DYDC2: variants seen among roughly 807,000 people sequenced by gnomAD.
DYDC2 encodes the protein DPY30 domain-containing protein 2.
In DYDC2, 19 loss-of-function variants were observed where a neutral mutation model predicts 18.7. The observed-to-expected ratio is 1.02, with a 90% CI of 0.71 to 1.49. The LOEUF (loss-of-function observed/expected upper bound fraction) is 1.49, where lower values mean the gene tolerates loss of function less well. Among genes scored for constraint, DYDC2 ranks in the 40% most tolerant of loss-of-function variants. The pLI is 0.00. For synonymous variants in DYDC2, 63 were observed against 67.6 expected (o/e 0.93, Z 0.34); for missense variants, 179 against 205.1 (o/e 0.87, Z 0.78).
intron 1 of DYDC2, among the ~76,000 whole-genome samples, chr10:80,351,140 C>T (rs901027699): frequency 6.6e-6 from 1 of 152,210 alleles, no homozygotes; most frequent in Non-Finnish European, 1.5e-5. Flanking sequence ...ACACCTCCTA[C>T]CTTACAACCT....
In DYDC2 at chr10:80,346,778, A is replaced by C. The variant is rs1262671120; in HGVS notation, c.-310+1963A>C. ...CCCGGCCATGTCTCTTCCCTTTCTG[A>C]TAACAGCCATCTTAGGCTGGTCACG... On this transcript the variant is annotated intron_variant, in intron 1 of 4. Coordinates refer to the DYDC2 transcript ENST00000372197. 2.0e-5 allele frequency among the ~76,000 whole-genome samples: 3 copies of C among 151,918 alleles called. No individual in the cohort carries two copies. In the East Asian group the frequency reaches 5.8e-4, roughly 30 times the overall value.
intron 4 of DYDC2, among the ~76,000 whole-genome samples, chr10:80,363,808 T>C (rs1217892178): frequency 6.6e-6 from 1 of 152,200 alleles, no homozygotes; most frequent in Non-Finnish European, 1.5e-5. Flanking sequence ...TAGTATTTGG[T>C]TTATTATATT....
intron 1 of DYDC2, among the ~76,000 whole-genome samples, chr10:80,348,478 G>A (rs1042669510): frequency 7.2e-5 from 11 of 152,192 alleles, no homozygotes; most frequent in Non-Finnish European, 1.5e-4. Flanking sequence ...CACAAGTAAC[G>A]TAAAGCTGCT....
upstream of DYDC2, chr10:80,352,288 C>T (rs1843042029): frequency 3.8e-6 from 4 of 1,062,666 alleles, no homozygotes; most frequent in South Asian, 4.6e-5. Context: ...AAATAGAAGT[C>T]TTCTTTGGGT....
intron 1 of DYDC2, among the ~76,000 whole-genome samples, chr10:80,347,998 T>C (rs75474237): frequency 6.6e-6 from 1 of 152,312 alleles, no homozygotes; most frequent in African/African-American, 2.4e-5. Context: ...AAGAATGCCA[T>C]TGGAATTTTG....
chr10:80,358,997 C>T (rs55820425), intron 2 of DYDC2, among the ~76,000 whole-genome samples: 3,814 of 152,246 alleles, frequency 0.025, 171 homozygotes, highest in African/African-American at 0.085. Context: ...TGAGCAGCAG[C>T]AAGATTTACT....
rs78797181 is a variant in DYDC2 at position 80,357,522 on chromosome 10, C to A, written c.-162-371C>A. 1.1e-3 allele frequency among the ~76,000 whole-genome samples: 163 copies of A among 152,236 alleles called. 3 individuals are homozygous for A. The East Asian group carries it at 0.029, about 27-fold the overall frequency. On this transcript the variant is annotated intron_variant, in intron 1 of 4. Transcript: ENST00000256039. ...CAATCGGAAAAGGGTGGAAGACCTTCCAGAGTCCCTGGAAGACCGTCACTG... is the reference window on the plus strand; with the variant it reads ...CAATCGGAAAAGGGTGGAAGACCTTACAGAGTCCCTGGAAGACCGTCACTG...
intron 4 of DYDC2, among the ~76,000 whole-genome samples, chr10:80,363,336 GTTTTTTTTTTT>G (rs3038629): frequency 4.9e-5 from 4 of 81,628 alleles, no homozygotes; most frequent in African/African-American, 2.1e-4. Flanking sequence ...AAAAAAATCT[GTTTTTTTTTTT>G]TTTTTTTTTT....
chr10:80,351,852 G>T (rs367915676), upstream of DYDC2: 4 of 1,551,640 alleles, frequency 2.6e-6, no homozygotes, highest in Non-Finnish European at 3.5e-6. Context: ...CCATGCTGAG[G>T]TTGGCATCGT....
At chr10:80,356,213 C>A, upstream of DYDC2, 1 of 973,958 alleles carries the variant, frequency 1.0e-6, no homozygotes, top group Non-Finnish European at 1.2e-6. Flanking sequence ...AGGATAATAC[C>A]CATCTCTCCT....
Position 80,345,310 on chromosome 10 carries a change from T to A in DYDC2, c.-310+495T>A, listed in dbSNP as rs115259080. ...GAATTTTTGAGCTCAGGGTCAAGAT[T>A]TAACTTTTTATTGTGTAAATTGAAG... On this transcript the variant is annotated intron_variant, in intron 1 of 4. Coordinates refer to the DYDC2 transcript ENST00000372197. Among the ~76,000 whole-genome samples, 1,362 of 152,302 alleles carry A rather than the reference T, an allele frequency of 8.9e-3. 17 individuals carry two copies. The highest frequency in any genetic ancestry group is 0.031 in the African/African-American group (1,294 of 41,582).
upstream of DYDC2, chr10:80,356,419 AG>A: frequency 1.0e-6 from 1 of 985,560 alleles, no homozygotes; most frequent in Non-Finnish European, 1.2e-6. Context: ...CAGGGGTGCC[AG>A]ATACAGTATT....
rs566000581 is a variant in DYDC2 at position 80,360,751 on chromosome 10, TTTTC to T, written c.-9-1672_-9-1669del. On this transcript the variant is annotated intron_variant, in intron 2 of 4. Coordinates refer to ENST00000256039, the MANE Select transcript of DYDC2 (RefSeq NM_032372.6). ...CCCTTTATAGAATTCTTTCTTCTTC[TTTTC>T]TTTCTTTCTTTTTTTTTTTTTTTAG... Among the ~76,000 whole-genome samples, 419 of 150,924 alleles carry T rather than the reference TTTTC, an allele frequency of 2.8e-3. 4 individuals carry two copies. The highest frequency in any genetic ancestry group is 8.9e-3 in the South Asian group (41 of 4,624).
intron 4 of DYDC2, among the ~76,000 whole-genome samples, chr10:80,365,899 T>G (rs1181052190): frequency 6.6e-6 from 1 of 152,168 alleles, no homozygotes; most frequent in Non-Finnish European, 1.5e-5. Flanking sequence ...AATTCTCATT[T>G]TCTCTGCTGA....
chr10:80,347,298 T>TGGC (rs1842719665), intron 1 of DYDC2, among the ~76,000 whole-genome samples: 1 of 91,500 alleles, frequency 1.1e-5, no homozygotes, highest in Admixed American at 1.1e-4. Flanking sequence ...TTTTTTTTTT[T>TGGC]TTTTTTTGCT....
intron 2 of DYDC2, 51 bp from the exon 3 acceptor site, chr10:80,362,384 A>G (rs1358551236): frequency 1.3e-6 from 2 of 1,569,220 alleles, no homozygotes; most frequent in South Asian, 2.3e-5. Flanking sequence ...TCTATTTTTA[A>G]TATCAGATTA....
At chr10:80,358,383 TAAA>T (rs748728360) in intron 2 of DYDC2, among the ~76,000 whole-genome samples, 6 of 151,844 alleles carry the variant, frequency 4.0e-5, no homozygotes, top group Admixed American at 1.3e-4. Context: ...CTCTTAAAAA[TAAA>T]AAATAAAAGG....
At chr10:80,347,855 G>C (rs886196271) in intron 1 of DYDC2, among the ~76,000 whole-genome samples, 10 of 152,130 alleles carry the variant, frequency 6.6e-5, no homozygotes, top group African/African-American at 2.4e-4. Context: ...AATTACTATG[G>C]CTTTGTAATA....
chr10:80,354,129 A>AATATAT (rs1208621866), upstream of DYDC2, among the ~76,000 whole-genome samples: 1 of 147,602 alleles, frequency 6.8e-6, no homozygotes, highest in African/African-American at 2.5e-5. Flanking sequence ...TATAAAAAAA[A>AATATAT]ATATATATAT....
Sources: gnomAD v4.1 joint callset for allele counts (sites outside exome capture counted in the v4.1 genomes callset) on GRCh38, gnomAD v4.1.1 for gene constraint, MANE v1.5 for transcripts, NCBI Gene and HGNC (gene_info 2026-07-23, HGNC 2026-07-21) for gene names.